TCOF1: variants seen among roughly 807,000 people sequenced by gnomAD.
TCOF1 encodes treacle ribosome biogenesis factor 1.
In TCOF1, 33 loss-of-function variants were observed where a neutral mutation model predicts 149.0. The ratio of observed to expected loss-of-function variants is 0.22; its 90% CI spans 0.17 to 0.30. The LOEUF (loss-of-function observed/expected upper bound fraction) is 0.30, where lower values mean the gene tolerates loss of function less well. Among genes scored for constraint, TCOF1 ranks in the 10% least tolerant of loss-of-function variants. The pLI is 1.00. For synonymous variants in TCOF1, 789 were observed against 738.8 expected, an observed-to-expected ratio of 1.07 and a Z score of -1.10; for missense variants, 1,728 against 1,840.7, an observed-to-expected ratio of 0.94 and a Z score of 1.12.
At position 150,396,547 on chromosome 5, in the gene TCOF1, A is replaced by C; in HGVS notation, c.4050A>C (p.Leu1350=). 1 of 1,594,782 alleles carries C rather than the reference A, an allele frequency of 6.3e-7. No homozygotes were observed. The highest frequency in any genetic ancestry group is 8.5e-7 in the Non-Finnish European group (1 of 1,170,810). ...GCTGGGAGAGCCGCAAGCGGAAGCT[A>C]TCGGGAGACCAGCCAGCTGCCAGGA... ...RKGWESRKRK[L]SGDQPAARTP... Residue 1350 remains leucine, a synonymous_variant, in exon 24 of 27, where the codon CTA becomes CTC. Coordinates refer to ENST00000643257, the MANE Select transcript of TCOF1 (RefSeq NM_001371623.1).
At chr5:150,396,197 TC>T in intron 23 of TCOF1, 84 bp from the exon 24 acceptor site, 1 of 1,483,762 alleles carries the variant, frequency 6.7e-7, no homozygotes. Context: ...ATGGAGTCAC[TC>T]CCTGCACCCT....
chr5:150,371,567 G>T (rs951584660), intron 6 of TCOF1, among the ~76,000 whole-genome samples: 1 of 152,226 alleles, frequency 6.6e-6, no homozygotes, highest in South Asian at 2.1e-4. Context: ...TGCCCAAGGT[G>T]TGGCAAGCCA....
At position 150,379,411 on chromosome 5, in the gene TCOF1, G is replaced by T. The variant is rs368778515; in HGVS notation, c.2658+3G>T. On this transcript the variant is annotated splice_donor_region_variant and intron_variant, in intron 16 of 26. Transcript: ENST00000643257. ...AGGAGGCGGAGACGCTGGCTCAGGT[G>T]AGGGGGAGGGAATGGAGATCATCCC... is the stretch of plus-strand genomic sequence containing the variant. 2 of 1,613,694 alleles carry T rather than the reference G, an allele frequency of 1.2e-6. No individual in the cohort carries two copies. The highest frequency in any genetic ancestry group is 1.7e-5 in the Admixed American group (1 of 59,984).
chr5:150,382,307 G>A (rs1482745805), intron 17 of TCOF1, among the ~76,000 whole-genome samples: 2 of 152,254 alleles, frequency 1.3e-5, no homozygotes, highest in Non-Finnish European at 2.9e-5. Flanking sequence ...CATGTGGTAG[G>A]GGCCACTGAA....
chr5:150,377,143 G>A (rs1763996829), intron 14 of TCOF1, among the ~76,000 whole-genome samples: 1 of 152,254 alleles, frequency 6.6e-6, no homozygotes, highest in Non-Finnish European at 1.5e-5. Context: ...TGCGAGGCCA[G>A]GGAATGAGAG....
At chr5:150,374,494 C>T in intron 8 of TCOF1, 108 bp downstream of exon 8, 1 of 1,555,940 alleles carries the variant, frequency 6.4e-7, no homozygotes, top group East Asian at 2.3e-5. Flanking sequence ...CCTCAGACCC[C>T]AGCCCCTTAC....
rs771189455 is a variant in TCOF1 at position 150,390,026 on chromosome 5, A to G, written c.3183+3A>G. 3.7e-6 allele frequency: 6 copies of G among 1,606,606 alleles called. No individual in the cohort carries two copies. The highest frequency in any genetic ancestry group is 5.1e-6 in the Non-Finnish European group (6 of 1,176,532). On this transcript the variant is annotated splice_donor_region_variant and intron_variant, in intron 19 of 26. Coordinates refer to ENST00000643257, the MANE Select transcript of TCOF1 (RefSeq NM_001371623.1). Reference sequence around the variant, plus strand: ...AACAGGAGGGACCAGCCACTCAGGTACCTGGTGGGCAAGGGAGGGTAATGC... The same window carrying G: ...AACAGGAGGGACCAGCCACTCAGGTGCCTGGTGGGCAAGGGAGGGTAATGC...
chr5:150,387,873 G>A (rs1423562063), intron 17 of TCOF1, 29 bp from the exon 18 acceptor site: 4 of 1,612,234 alleles, frequency 2.5e-6, no homozygotes, highest in Non-Finnish European at 1.7e-6. Flanking sequence ...TTTAATCACT[G>A]GGGGGGTGTT....
At chr5:150,358,241 G>T (rs1759124992) in intron 1 of TCOF1, among the ~76,000 whole-genome samples, 1 of 152,142 alleles carries the variant, frequency 6.6e-6, no homozygotes, top group South Asian at 2.1e-4. Flanking sequence ...CTCGGGGGTG[G>T]ATTGCGACCA....
intron 1 of TCOF1, among the ~76,000 whole-genome samples, chr5:150,359,112 C>G (rs1355239436): frequency 6.6e-6 from 1 of 152,028 alleles, no homozygotes; most frequent in Non-Finnish European, 1.5e-5. Flanking sequence ...TTTGGGAGGC[C>G]GAGGCAGGCG....
intron 2 of TCOF1, among the ~76,000 whole-genome samples, chr5:150,361,861 A>G (rs1238902386): frequency 2.0e-5 from 3 of 152,184 alleles, no homozygotes; most frequent in African/African-American, 7.2e-5. Flanking sequence ...AGATGGGGCT[A>G]GGTCATCGCA....
At chr5:150,375,663 A>G in intron 11 of TCOF1, 58 bp from the exon 12 acceptor site, 1 of 1,612,870 alleles carries the variant, frequency 6.2e-7, no homozygotes, top group Non-Finnish European at 8.5e-7. Context: ...TTAGTTTCTT[A>G]ATGTCTGCAC....
chr5:150,376,390 C>T (rs766914116), intron 13 of TCOF1, 33 bp from the exon 14 acceptor site: 12 of 1,614,060 alleles, frequency 7.4e-6, no homozygotes, highest in East Asian at 4.5e-5. Context: ...CTTTGGACTC[C>T]TGGAGACACC....
intron 4 of TCOF1, 131 bp from the exon 5 acceptor site, chr5:150,368,585 A>AC: frequency 9.9e-7 from 1 of 1,014,058 alleles, no homozygotes; most frequent in Non-Finnish European, 1.5e-6. Context: ...AGATTGGGAA[A>AC]CAGATTGAAG....
Position 150,376,300 on chromosome 5 carries a change from G to C in TCOF1, c.2112G>C (p.Glu704Asp), listed in dbSNP as rs779374782. The C allele has an allele frequency of 1.6e-5, 26 of 1,614,078 alleles. No homozygotes were observed. In the East Asian group the frequency reaches 5.3e-4, roughly 33 times the overall value. The stretch of plus-strand genomic sequence containing the variant: ...GTGAGGAATCAGATAGTGAGGAAGA[G>C]AAGACAGGTCTTGCAGTAACCGTGG... ...SSSEESDSEE[E>D]KTGLAVTVGQ... Residue 704 changes from glutamate to aspartate, a missense_variant, in exon 13 of 27, where the codon GAG becomes GAC. Glu to Asp is a conservative substitution (Grantham distance 45, BLOSUM62 2). Transcript: ENST00000643257.
chr5:150,392,611 C>A, intron 21 of TCOF1, 94 bp from the exon 22 acceptor site: 3 of 1,241,250 alleles, frequency 2.4e-6, no homozygotes, highest in Non-Finnish European at 3.5e-6. Flanking sequence ...GGGTGAGGGA[C>A]CTGCAGAGAG....
intron 1 of TCOF1, among the ~76,000 whole-genome samples, chr5:150,358,492 C>A (rs965040802): frequency 7.2e-5 from 11 of 152,164 alleles, no homozygotes; most frequent in Non-Finnish European, 1.5e-4. Context: ...GTAGACAAAT[C>A]AAAGAATCAC....
Position 150,361,044 on chromosome 5 carries a change from C to T in TCOF1, c.109-112C>T. The T allele has an allele frequency of 2.1e-6, 3 of 1,414,872 alleles. No homozygotes were observed. In the East Asian group the frequency reaches 6.9e-5, roughly 33 times the overall value. 87.6% of individuals were successfully genotyped at this position (1,414,872 alleles called of 1,614,324 possible). A position where few individuals can be genotyped will look rare whatever the true frequency, so the allele number is the denominator to read the frequency against. ...AGCCACCATGCCCAGCCAAAAAGAC[C>T]CTCTTCTGAACCACCTGTCTATACA... is the stretch of plus-strand genomic sequence containing the variant. On this transcript the variant is annotated intron_variant, in intron 1 of 26. Coordinates refer to ENST00000643257, the MANE Select transcript of TCOF1 (RefSeq NM_001371623.1).
At position 150,393,548 on chromosome 5, in the gene TCOF1, A is replaced by G. The variant is rs780668601; in HGVS notation, c.3780A>G (p.Lys1260=). 1.2e-6 allele frequency: 2 copies of G among 1,614,110 alleles called. No individual in the cohort carries two copies. The highest frequency in any genetic ancestry group is 1.7e-6 in the Non-Finnish European group (2 of 1,180,004). ...PQQAAGMLSP[K]TGGKEAASGT... is the part of the protein sequence containing the mutation. ...AGGCAGCAGGCATGTTGTCCCCTAA[A>G]ACAGGTAAGTTAAGGTCTGCAGGAG... The change falls in exon 23 of 27, where the codon AAA becomes AAG. Residue 1260 remains lysine, a synonymous_variant. Transcript: ENST00000643257.
Sources: allele counts gnomAD v4.1 joint callset (sites outside exome capture counted in the v4.1 genomes callset), GRCh38; gene constraint gnomAD v4.1.1; transcripts MANE v1.5; gene names NCBI Gene and HGNC (gene_info 2026-07-23, HGNC 2026-07-21).